Variants in ZMYM2 observed in about 807,000 individuals in gnomAD.
ZMYM2 encodes the protein zinc finger MYM-type containing 2.
A neutral mutation model predicts 162.8 loss-of-function variants in ZMYM2; 56 were observed. That is an observed-to-expected ratio of 0.34 (90% CI 0.28 to 0.43). The LOEUF (loss-of-function observed/expected upper bound fraction) is 0.43. Among genes scored for constraint, ZMYM2 ranks in the 20% least tolerant of loss-of-function variants. The probability of loss-of-function intolerance (pLI) is 1.00; values close to 1 mark genes in which losing one functional copy is unlikely to be tolerated. For synonymous variants in ZMYM2, 510 were observed against 541.6 expected (o/e 0.94, Z 0.81); for missense variants, 1,275 against 1,621.8 (o/e 0.79, Z 3.67).
intron 21 of ZMYM2, among the ~76,000 whole-genome samples, chr13:20,073,236 AG>A (rs2140951982): frequency 6.6e-6 from 1 of 152,308 alleles, no homozygotes; most frequent in African/African-American, 2.4e-5. Context: ...AATCCAGCTC[AG>A]GAATCAGCCA....
At chr13:19,977,006 G>A (rs1411329539) in intron 2 of ZMYM2, among the ~76,000 whole-genome samples, 2 of 152,200 alleles carry the variant, frequency 1.3e-5, no homozygotes, top group Admixed American at 6.5e-5. Flanking sequence ...TTGCTAGAAC[G>A]AACCTTTCAT....
chr13:19,967,214 T>C (rs1955867685), intron 2 of ZMYM2, among the ~76,000 whole-genome samples: 1 of 152,184 alleles, frequency 6.6e-6, no homozygotes, highest in Non-Finnish European at 1.5e-5. Flanking sequence ...TATATAAAAG[T>C]CTGATTATAC....
intron 21 of ZMYM2, among the ~76,000 whole-genome samples, chr13:20,078,916 C>A (rs941828270): frequency 6.6e-6 from 1 of 151,460 alleles, no homozygotes; most frequent in Non-Finnish European, 1.5e-5. Context: ...TACAGATGTT[C>A]CAAAATTATT....
At chr13:19,915,593 C>T in the ZMYM2 span, among the ~76,000 whole-genome samples, 1 of 151,756 alleles carries the variant, frequency 6.6e-6, no homozygotes, top group African/African-American at 2.4e-5. Context: ...AACATCCGCC[C>T]CCCGGGTTCA....
chr13:20,074,196 TTGTGTGTGTGTGTGTGTGTGTG>T (rs59855358), intron 21 of ZMYM2, among the ~76,000 whole-genome samples: 8 of 141,502 alleles, frequency 5.7e-5, no homozygotes, highest in African/African-American at 1.1e-4. Flanking sequence ...ATGTCAGAAT[TTGTGTGTGTGTGTGTGTGTGTG>T]TGTGTGTGTG....
chr13:20,063,126 TTTG>T (rs1212082961), intron 18 of ZMYM2, among the ~76,000 whole-genome samples, 155 bp downstream of exon 18: 1 of 152,222 alleles, frequency 6.6e-6, no homozygotes, highest in Non-Finnish European at 1.5e-5. Context: ...AACTTCATAT[TTTG>T]TTGTTGTTTT....
intron 21 of ZMYM2, 96 bp downstream of exon 21, chr13:20,067,486 C>T: frequency 8.1e-7 from 1 of 1,228,516 alleles, no homozygotes; most frequent in East Asian, 2.6e-5. Flanking sequence ...TATTGACTTA[C>T]CAAGAAACAC....
the ZMYM2 span, among the ~76,000 whole-genome samples, chr13:19,886,106 T>A: frequency 6.7e-6 from 1 of 148,316 alleles, no homozygotes; most frequent in Non-Finnish European, 1.5e-5. Flanking sequence ...AGAAGCTGCA[T>A]AATTTATGAC....
At chr13:20,057,429 C>A (rs766245107) in intron 14 of ZMYM2, among the ~76,000 whole-genome samples, 1 of 152,006 alleles carries the variant, frequency 6.6e-6, no homozygotes, top group African/African-American at 2.4e-5. Context: ...TGAGCCAATG[C>A]CCCCGGCCAG....
intron 5 of ZMYM2, 34 bp from the exon 6 acceptor site, chr13:20,006,340 C>G (rs1422205827): frequency 9.8e-6 from 15 of 1,524,568 alleles, no homozygotes; most frequent in Non-Finnish European, 1.2e-5. Context: ...TCAGATTGAT[C>G]TGTTTTGTAA....
intron 2 of ZMYM2, among the ~76,000 whole-genome samples, chr13:19,977,880 G>GTTTT (rs1245525008): frequency 2.9e-5 from 4 of 135,778 alleles, no homozygotes; most frequent in Non-Finnish European, 4.8e-5. Flanking sequence ...TATTTTAAAA[G>GTTTT]TTTTTTTTTT....
chr13:19,970,711 T>C (rs540945992), intron 2 of ZMYM2, among the ~76,000 whole-genome samples: 2 of 152,124 alleles, frequency 1.3e-5, no homozygotes, highest in East Asian at 3.9e-4. Context: ...TTCAAGGTTA[T>C]AGTAAGGCAA....
At chr13:19,893,964 A>C in the ZMYM2 span, among the ~76,000 whole-genome samples, 1 of 151,818 alleles carries the variant, frequency 6.6e-6, no homozygotes, top group Non-Finnish European at 1.5e-5. Context: ...TGAATTCAAT[A>C]ATATAATGTA....
chr13:19,876,670 T>C, the ZMYM2 span, among the ~76,000 whole-genome samples: 1 of 152,152 alleles, frequency 6.6e-6, no homozygotes, highest in Non-Finnish European at 1.5e-5. Context: ...ATTTACCCTA[T>C]TAACTATTTT....
At chr13:19,978,489 T>C (rs1956988794) in intron 2 of ZMYM2, among the ~76,000 whole-genome samples, 1 of 152,124 alleles carries the variant, frequency 6.6e-6, no homozygotes, top group Non-Finnish European at 1.5e-5. Context: ...CAATCTTGGC[T>C]CACCACAACG....
rs765327369 is a variant in ZMYM2 at position 20,051,562 on chromosome 13, A to G, written c.2422A>G (p.Met808Val). Residue 808 changes from methionine to valine, a missense_variant, in exon 13 of 25, where the codon ATG (methionine) becomes GTG (valine). Physicochemically the swap from Met to Val is conservative, Grantham distance 21 (BLOSUM62 1). Coordinates refer to ENST00000610343, the MANE Select transcript of ZMYM2 (RefSeq NM_197968.4). The stretch of plus-strand genomic sequence containing the variant: ...CTACTGTCAACAAAATGAGCCCAAC[A>G]TGACAACTCAGAAAGGACCTGAAAA... ...RFYCQQNEPN[M>V]TTQKGPENLH... 6.8e-6 allele frequency: 11 copies of G among 1,613,226 alleles called. No homozygotes were observed. The highest frequency in any genetic ancestry group is 4.5e-5 in the East Asian group (2 of 44,860).
chr13:19,866,410 A>G, the ZMYM2 span, among the ~76,000 whole-genome samples: 1,837 of 152,238 alleles, frequency 0.012, 39 homozygotes, highest in African/African-American at 0.04. Context: ...TCACACTTGT[A>G]ATCCCAGCAC....
At chr13:19,943,414 C>A in the ZMYM2 span, among the ~76,000 whole-genome samples, 1 of 152,178 alleles carries the variant, frequency 6.6e-6, no homozygotes, top group Middle Eastern at 3.4e-3. Flanking sequence ...CTCACAACAC[C>A]AGGCATGTGT....
the ZMYM2 span, among the ~76,000 whole-genome samples, chr13:19,949,092 C>G: frequency 9.2e-6 from 1 of 109,188 alleles, no homozygotes; most frequent in Non-Finnish European, 2.0e-5. Flanking sequence ...CATGGCAAAA[C>G]CTTATCTTCA....
Sources: allele counts gnomAD v4.1 joint callset (sites outside exome capture counted in the v4.1 genomes callset), GRCh38; gene constraint gnomAD v4.1.1; transcripts MANE v1.5; gene names NCBI Gene and HGNC (gene_info 2026-07-23, HGNC 2026-07-21).